The following ELAPOR1 variants were observed in gnomAD, a reference collection of about 807,000 sequenced individuals.
ELAPOR1 encodes the protein endosome-lysosome associated apoptosis and autophagy regulator 1.
In ELAPOR1, 77 loss-of-function variants were observed where a neutral mutation model predicts 119.7. The ratio of observed to expected loss-of-function variants is 0.64; its 90% CI spans 0.54 to 0.78. ELAPOR1 has a LOEUF of 0.78. ELAPOR1 is among the 30% of genes least tolerant of loss of function. The pLI is 0.00. For missense variants in ELAPOR1, 1,115 were observed against 1,270.4 expected, an observed-to-expected ratio of 0.88 and a Z score of 1.86; for synonymous variants, 481 against 487.2, an observed-to-expected ratio of 0.99 and a Z score of 0.17.
intron 1 of ELAPOR1, among the ~76,000 whole-genome samples, chr1:109,142,847 A>G (rs1480120851): frequency 6.6e-6 from 1 of 152,262 alleles, no homozygotes; most frequent in African/African-American, 2.4e-5. Flanking sequence ...AAACTTGTAC[A>G]TGATTATTCT....
chr1:109,200,375 G>C, intron 20 of ELAPOR1, 138 bp downstream of exon 20: 1 of 1,029,788 alleles, frequency 9.7e-7, no homozygotes, highest in Non-Finnish European at 1.4e-6. Context: ...GCATGGTTTG[G>C]TTATCCTGAC....
intron 15 of ELAPOR1, among the ~76,000 whole-genome samples, chr1:109,196,944 G>A (rs1376937032): frequency 6.6e-6 from 1 of 152,190 alleles, no homozygotes; most frequent in Non-Finnish European, 1.5e-5. Flanking sequence ...GCCTTCCGAA[G>A]TGCTGGGATT....
intron 1 of ELAPOR1, among the ~76,000 whole-genome samples, chr1:109,136,446 G>A (rs1425180117): frequency 6.6e-6 from 1 of 152,170 alleles, no homozygotes; most frequent in Non-Finnish European, 1.5e-5. Context: ...AACCAGCCCT[G>A]CCAACACCTT....
intron 3 of ELAPOR1, among the ~76,000 whole-genome samples, chr1:109,170,635 T>C (rs1330538188): frequency 1.3e-5 from 2 of 151,882 alleles, no homozygotes; most frequent in African/African-American, 4.8e-5. Context: ...GTATATAGAG[T>C]GCATCAGGAA....
intron 7 of ELAPOR1, 151 bp downstream of exon 7, chr1:109,173,988 A>G (rs1652083115): frequency 1.3e-6 from 1 of 778,486 alleles, no homozygotes; most frequent in Non-Finnish European, 2.0e-6. Context: ...ACCCTTGCCA[A>G]TCCATATATC....
chr1:109,186,999 A>G (rs900173517), intron 8 of ELAPOR1: 83 of 985,466 alleles, frequency 8.4e-5, no homozygotes, highest in Non-Finnish European at 9.5e-5. Context: ...ATGAACATGC[A>G]TTCCCCAGCT....
intron 1 of ELAPOR1, among the ~76,000 whole-genome samples, chr1:109,120,004 C>G (rs761227215): frequency 6.6e-6 from 1 of 152,078 alleles, no homozygotes; most frequent in Non-Finnish European, 1.5e-5. Context: ...TTGTGTCCCC[C>G]CTAAATTCAT....
intron 8 of ELAPOR1, among the ~76,000 whole-genome samples, chr1:109,185,820 G>A (rs1368132092): frequency 6.6e-6 from 1 of 152,078 alleles, no homozygotes; most frequent in Non-Finnish European, 1.5e-5. Context: ...CAGAAGAGAA[G>A]CGACCAGGAC....
intron 15 of ELAPOR1, 45 bp from the exon 16 acceptor site, chr1:109,197,429 G>T: frequency 1.3e-6 from 2 of 1,566,552 alleles, no homozygotes; most frequent in South Asian, 2.3e-5. Context: ...ATTCCTCTGT[G>T]ACCACTCACT....
At chr1:109,165,674 C>T (rs983154902) in intron 3 of ELAPOR1, among the ~76,000 whole-genome samples, 3 of 151,696 alleles carry the variant, frequency 2.0e-5, no homozygotes, top group Admixed American at 6.6e-5. Flanking sequence ...AATATACTTT[C>T]TCAGCTTGAC....
chr1:109,118,287 A>C (rs1648158051), intron 1 of ELAPOR1, among the ~76,000 whole-genome samples: 1 of 152,176 alleles, frequency 6.6e-6, no homozygotes, highest in African/African-American at 2.4e-5. Flanking sequence ...CACATGTGGA[A>C]AATGCAAATG....
At chr1:109,118,786 G>A (rs1369622768) in intron 1 of ELAPOR1, among the ~76,000 whole-genome samples, 2 of 152,094 alleles carry the variant, frequency 1.3e-5, no homozygotes, top group African/African-American at 4.8e-5. Context: ...TAGTTCTGAT[G>A]TCCCTGGGAT....
chr1:109,183,219 G>C (rs1272391970), intron 7 of ELAPOR1, among the ~76,000 whole-genome samples: 1 of 151,620 alleles, frequency 6.6e-6, no homozygotes, highest in East Asian at 1.9e-4. Context: ...AAGCACAATG[G>C]CTCATGCCTG....
intron 1 of ELAPOR1, among the ~76,000 whole-genome samples, chr1:109,153,556 T>C (rs1345820964): frequency 6.6e-6 from 1 of 152,240 alleles, no homozygotes; most frequent in African/African-American, 2.4e-5. Flanking sequence ...AATCAGAATC[T>C]GGAAAGAAAT....
In ELAPOR1 at chr1:109,192,853, T is replaced by C. The variant is rs1171316051; in HGVS notation, c.1926T>C (p.Gly642=). ...GTGTCCAGGCCTGTGTGCCCTGTGG[T>C]CCAGGGACCAAGAACAACAAGGTAC... ...PYGVQACVPC[G]PGTKNNKIHS... is the part of the protein sequence containing the mutation. The change falls in exon 14 of 22, where the codon GGT becomes GGC. Residue 642 remains glycine (G), a synonymous_variant. Transcript: ENST00000369939. The C allele has an allele frequency of 5.6e-6, 9 of 1,613,946 alleles. No individual in the cohort carries two copies. The South Asian group carries it at 9.9e-5, about 18-fold the overall frequency.
intron 1 of ELAPOR1, among the ~76,000 whole-genome samples, chr1:109,137,643 T>C (rs996373450): frequency 6.6e-6 from 1 of 152,140 alleles, no homozygotes; most frequent in African/African-American, 2.4e-5. Context: ...TTCTCCTGCC[T>C]CAGCCTTCCT....
At chr1:109,145,647 G>T (rs1191493622) in intron 1 of ELAPOR1, among the ~76,000 whole-genome samples, 1 of 152,064 alleles carries the variant, frequency 6.6e-6, no homozygotes, top group Non-Finnish European at 1.5e-5. Flanking sequence ...CAGAGCAAGA[G>T]ACTCTGTCTC....
intron 1 of ELAPOR1, among the ~76,000 whole-genome samples, chr1:109,120,821 A>G (rs1043253214): frequency 2.0e-5 from 3 of 152,134 alleles, no homozygotes; most frequent in African/African-American, 7.2e-5. Context: ...TCTATTTTGG[A>G]AACTGGACAG....
chr1:109,146,738 T>C (rs1650202166), intron 1 of ELAPOR1, among the ~76,000 whole-genome samples: 1 of 152,160 alleles, frequency 6.6e-6, no homozygotes, highest in African/African-American at 2.4e-5. Flanking sequence ...TCTAAACTAA[T>C]ATTATTACTA....
Sources: allele counts gnomAD v4.1 joint callset (sites outside exome capture counted in the v4.1 genomes callset), GRCh38; gene constraint gnomAD v4.1.1; transcripts MANE v1.5; gene names NCBI Gene and HGNC (gene_info 2026-07-23, HGNC 2026-07-21).